PTBP3: variants seen among roughly 807,000 people sequenced by gnomAD.
PTBP3 encodes the protein polypyrimidine tract binding protein 3.
PTBP3 carries 20 observed loss-of-function variants against 58.7 expected under a neutral mutation model. The ratio of observed to expected loss-of-function variants is 0.34; its 90% CI spans 0.24 to 0.50. PTBP3 has a LOEUF of 0.50. Among genes scored for constraint, PTBP3 ranks in the 20% least tolerant of loss-of-function variants. PTBP3 has a pLI of 0.98. For missense variants in PTBP3, 509 were observed against 637.2 expected (o/e 0.80, Z 2.17); for synonymous variants, 185 against 219.8 (o/e 0.84, Z 1.40).
chr9:112,372,540 A>C, the PTBP3 span, among the ~76,000 whole-genome samples: 1 of 152,160 alleles, frequency 6.6e-6, no homozygotes, highest in East Asian at 1.9e-4. Flanking sequence ...ACGAAACTCC[A>C]TACCAATTAA....
the PTBP3 span, among the ~76,000 whole-genome samples, chr9:112,378,086 T>A: frequency 1.4e-5 from 2 of 139,918 alleles, no homozygotes; most frequent in Non-Finnish European, 3.1e-5. Flanking sequence ...AAAATGAAGA[T>A]CTAATTATGT....
chr9:112,317,819 C>A (rs1465701031), intron 1 of PTBP3, among the ~76,000 whole-genome samples: 1 of 151,686 alleles, frequency 6.6e-6, no homozygotes, highest in East Asian at 1.9e-4. Flanking sequence ...TGGTGGTGTG[C>A]GCCTATAATC....
At chr9:112,356,722 T>C in the PTBP3 span, among the ~76,000 whole-genome samples, 1 of 151,764 alleles carries the variant, frequency 6.6e-6, no homozygotes, top group African/African-American at 2.4e-5. Flanking sequence ...AAACCCACAG[T>C]GTACTTTGGA....
At chr9:112,262,204 GA>G (rs574292659) in intron 5 of PTBP3, among the ~76,000 whole-genome samples, 18 of 146,794 alleles carry the variant, frequency 1.2e-4, no homozygotes, top group African/African-American at 3.5e-4. Context: ...TTACCTACAA[GA>G]AAAAAAAAAT....
intron 1 of PTBP3, among the ~76,000 whole-genome samples, chr9:112,311,935 G>A (rs547441608): frequency 1.4e-4 from 21 of 152,132 alleles, no homozygotes; most frequent in African/African-American, 5.1e-4. Flanking sequence ...ACTTCAGCCT[G>A]GGCAACATAG....
At chr9:112,326,580 C>T (rs949098238) in intron 1 of PTBP3, among the ~76,000 whole-genome samples, 10 of 152,226 alleles carry the variant, frequency 6.6e-5, no homozygotes, top group African/African-American at 2.2e-4. Context: ...ACTAGAAGTC[C>T]TTCCCATATA....
intron 1 of PTBP3, among the ~76,000 whole-genome samples, chr9:112,316,677 C>T (rs889273830): frequency 1.3e-5 from 2 of 152,210 alleles, no homozygotes; most frequent in Admixed American, 6.5e-5. Context: ...CAGTGGCTCA[C>T]GCCTGTAATC....
Position 112,221,570 on chromosome 9 carries a change from A to G in PTBP3, c.*2281T>C. 1.0e-6 allele frequency: 1 copy of G among 985,604 alleles called. No individual in the cohort carries two copies. The highest frequency in any genetic ancestry group is 5.2e-4 in the Middle Eastern group (1 of 1,914). The allele number at this position is 985,604 out of a possible 1,614,324, so 61.1% of individuals were successfully genotyped here. On this transcript the variant is annotated 3_prime_UTR_variant, in exon 14 of 14. Coordinates refer to ENST00000374257, the MANE Select transcript of PTBP3 (RefSeq NM_001163788.4). Reference sequence around the variant, plus strand: ...GGGAAAAAAAAGCAAGTTTTGGGAGATTTTGCAAAGAAATTTTTTTCCTCC... The same window carrying G: ...GGGAAAAAAAAGCAAGTTTTGGGAGGTTTTGCAAAGAAATTTTTTTCCTCC...
At chr9:112,271,547 C>A (rs1248614862) in intron 3 of PTBP3, among the ~76,000 whole-genome samples, 1 of 151,978 alleles carries the variant, frequency 6.6e-6, no homozygotes, top group Non-Finnish European at 1.5e-5. Flanking sequence ...GTGGTGTAAC[C>A]CCTTCTCTAC....
chr9:112,296,216 T>TA (rs529569419), intron 2 of PTBP3, among the ~76,000 whole-genome samples: 1 of 152,136 alleles, frequency 6.6e-6, no homozygotes, highest in Non-Finnish European at 1.5e-5. Context: ...AAACAACACC[T>TA]AAACAGAATT....
At chr9:112,274,440 TAAAAGATTTTTAGGACAGCCAAAAAC>T (rs1360886452) in intron 3 of PTBP3, among the ~76,000 whole-genome samples, 1 of 152,162 alleles carries the variant, frequency 6.6e-6, no homozygotes, top group East Asian at 1.9e-4. Context: ...ATAAACAGTA[TAAAAGATTTTTAGGACAGCCAAAAAC>T]TTGCAAAGAA....
chr9:112,356,043 C>T, the PTBP3 span, among the ~76,000 whole-genome samples: 1 of 147,608 alleles, frequency 6.8e-6, no homozygotes, highest in Admixed American at 6.9e-5. Flanking sequence ...TTCTTCCTTT[C>T]TTCCTCCCTC....
intron 2 of PTBP3, among the ~76,000 whole-genome samples, chr9:112,295,694 T>C (rs1381650886): frequency 6.6e-6 from 1 of 151,244 alleles, no homozygotes; most frequent in African/African-American, 2.4e-5. Flanking sequence ...AAGAAAACTA[T>C]GTGATTTATA....
chr9:112,270,102 G>A (rs548127438), intron 3 of PTBP3, among the ~76,000 whole-genome samples: 14 of 151,940 alleles, frequency 9.2e-5, no homozygotes, highest in South Asian at 2.1e-4. Context: ...ATGATACCAC[G>A]ATCCCGGCTA....
intron 1 of PTBP3, among the ~76,000 whole-genome samples, chr9:112,305,782 T>C (rs953944837): frequency 6.6e-6 from 1 of 151,698 alleles, no homozygotes; most frequent in Non-Finnish European, 1.5e-5. Flanking sequence ...CTACCAAAAA[T>C]ACAAAAAATG....
At chr9:112,279,658 C>A (rs143578671) in intron 2 of PTBP3, among the ~76,000 whole-genome samples, 1 of 151,936 alleles carries the variant, frequency 6.6e-6, no homozygotes, top group South Asian at 2.1e-4. Context: ...CCAACCCCCA[C>A]CCCAGGCAAT....
At chr9:112,295,953 T>C (rs1328388728) in intron 2 of PTBP3, among the ~76,000 whole-genome samples, 1 of 152,234 alleles carries the variant, frequency 6.6e-6, no homozygotes, top group African/African-American at 2.4e-5. Context: ...GTGCACAGCA[T>C]GCAGCCCAGG....
At chr9:112,306,712 T>G (rs1216964145) in intron 1 of PTBP3, among the ~76,000 whole-genome samples, 1 of 151,390 alleles carries the variant, frequency 6.6e-6, no homozygotes, top group African/African-American at 2.4e-5. Flanking sequence ...GCTTCCTGGG[T>G]TCAAGCGATT....
intron 7 of PTBP3, among the ~76,000 whole-genome samples, chr9:112,236,278 C>G (rs948857808): frequency 6.6e-6 from 1 of 152,042 alleles, no homozygotes; most frequent in African/African-American, 2.4e-5. Context: ...GAGTAACTGA[C>G]AGAATAACTG....
Sources: allele counts gnomAD v4.1 joint callset (sites outside exome capture counted in the v4.1 genomes callset), GRCh38; gene constraint gnomAD v4.1.1; transcripts MANE v1.5; gene names NCBI Gene and HGNC (gene_info 2026-07-23, HGNC 2026-07-21).